Variants in BDH2 observed in about 807,000 individuals in gnomAD.
BDH2 encodes 3-hydroxybutyrate dehydrogenase 2.
In BDH2, 24 loss-of-function variants were observed where a neutral mutation model predicts 33.2. The observed-to-expected ratio is 0.72, with a 90% CI of 0.52 to 1.02. The LOEUF is 1.02. Ranked by LOEUF, BDH2 falls within the 50% of genes least tolerant of loss-of-function variation. The pLI, the probability that BDH2 is intolerant of heterozygous loss-of-function variation, is 0.00. For missense variants in BDH2, 249 were observed against 301.6 expected (o/e 0.83, Z 1.29); for synonymous variants, 81 against 101.6 (o/e 0.80, Z 1.22).
At chr4:103,091,074 G>C in intron 5 of BDH2, 103 bp downstream of exon 5, 1 of 654,402 alleles carries the variant, frequency 1.5e-6, no homozygotes, top group East Asian at 2.7e-5. Flanking sequence ...TAATCATTGT[G>C]TTAGTTATTA....
chr4:103,097,092 T>G (rs1476054854), intron 1 of BDH2, among the ~76,000 whole-genome samples: 4 of 151,796 alleles, frequency 2.6e-5, no homozygotes, highest in Non-Finnish European at 5.9e-5. Context: ...TCTCAGATAT[T>G]CATCGAAAAA....
In BDH2 at chr4:103,095,291, A is replaced by C; in HGVS notation, c.73-10T>G. 1 of 1,605,548 alleles carries C rather than the reference A, an allele frequency of 6.2e-7. No individual in the cohort carries two copies. The highest frequency in any genetic ancestry group is 8.5e-7 in the Non-Finnish European group (1 of 1,172,480). The stretch of plus-strand genomic sequence containing the variant: ...CTTCTCTTGCAAAAGCCTAGTAGAC[A>C]CAAAGTACAAATAAATCCTTTGTTT... On this transcript the variant is annotated splice_polypyrimidine_tract_variant and intron_variant, in intron 2 of 9. Coordinates refer to ENST00000296424, the MANE Select transcript of BDH2 (RefSeq NM_020139.4).
intron 3 of BDH2, among the ~76,000 whole-genome samples, chr4:103,094,888 T>C (rs1046158588): frequency 2.0e-5 from 3 of 152,182 alleles, no homozygotes; most frequent in Non-Finnish European, 4.4e-5. Flanking sequence ...GGCACAGAAG[T>C]GAAAAGCTGT....
At chr4:103,099,395 CA>C (rs1351152213) in intron 1 of BDH2, 1 of 152,156 alleles carries the variant, frequency 6.6e-6, no homozygotes, top group African/African-American at 2.4e-5. Flanking sequence ...TGAGAGCAAA[CA>C]CGGCCTGAAA....
At chr4:103,092,251 A>G (rs78049176) in intron 4 of BDH2, 3,270 of 232,844 alleles carry the variant, frequency 0.014, 98 homozygotes, top group African/African-American at 0.065. Context: ...TATTTGTTTC[A>G]TGTTTCTGGG....
intron 7 of BDH2, among the ~76,000 whole-genome samples, chr4:103,083,423 T>G (rs747223624): frequency 6.6e-6 from 1 of 152,338 alleles, no homozygotes; most frequent in African/African-American, 2.4e-5. Flanking sequence ...TCCTTGGTAA[T>G]TCAGGTGGCG....
intron 3 of BDH2, among the ~76,000 whole-genome samples, chr4:103,093,922 T>C (rs185617100): frequency 6.6e-6 from 1 of 152,230 alleles, no homozygotes; most frequent in East Asian, 1.9e-4. Flanking sequence ...TACTTTGACT[T>C]GTTTGAATTA....
rs989623065 is a variant in BDH2, at chr4:103,094,713, C to A, written c.151+490G>T. ...AAATATTAATTTTTTAACTTGAGTG[C>A]ATGTTGAGATTATATTTTAGATATA... On this transcript the variant is annotated intron_variant, in intron 3 of 9. Coordinates refer to ENST00000296424, the MANE Select transcript of BDH2 (RefSeq NM_020139.4). Among the ~76,000 whole-genome samples the A allele has an allele frequency of 4.0e-5, 6 of 151,630 alleles. No homozygotes were observed. The East Asian group carries it at 1.2e-3, about 29-fold the overall frequency.
intron 8 of BDH2, 65 bp from the exon 9 acceptor site, chr4:103,082,238 G>C: frequency 7.2e-7 from 1 of 1,381,528 alleles, no homozygotes; most frequent in Non-Finnish European, 1.0e-6. Context: ...CCTGCATCTT[G>C]TTCAAGGAGT....
chr4:103,085,805 C>A (rs12640780), intron 6 of BDH2: 2 of 1,297,972 alleles, frequency 1.5e-6, no homozygotes, highest in South Asian at 2.5e-5. Context: ...AACAGGAGGC[C>A]TAGGCACTTC....
At chr4:103,097,928 A>G (rs1052302764) in intron 1 of BDH2, among the ~76,000 whole-genome samples, 1 of 151,764 alleles carries the variant, frequency 6.6e-6, no homozygotes, top group Non-Finnish European at 1.5e-5. Context: ...CTTTGAACTT[A>G]TTTCAGTTCT....
intron 1 of BDH2, chr4:103,099,010 C>T (rs1748531354): frequency 6.6e-6 from 1 of 152,124 alleles, no homozygotes; most frequent in South Asian, 2.1e-4. Context: ...TTTTTTACTT[C>T]TTACACAAAA....
intron 6 of BDH2, 77 bp downstream of exon 6, chr4:103,086,403 A>C: frequency 6.5e-7 from 1 of 1,532,454 alleles, no homozygotes; most frequent in Non-Finnish European, 8.8e-7. Context: ...AATCTCTGCT[A>C]TGCCTGTTCC....
At chr4:103,098,739 G>A (rs1748521366) in intron 1 of BDH2, 1 of 152,284 alleles carries the variant, frequency 6.6e-6, no homozygotes, top group Non-Finnish European at 1.5e-5. Flanking sequence ...CTTGCATCGA[G>A]GTCTGATGGC....
In BDH2 at chr4:103,078,760, AATT is replaced by A. The variant is rs917747715; in HGVS notation, c.*939_*941del. On this transcript the variant is annotated 3_prime_UTR_variant, in exon 10 of 10. Coordinates refer to ENST00000296424, the MANE Select transcript of BDH2 (RefSeq NM_020139.4). The stretch of plus-strand genomic sequence containing the variant: ...TTTGAATATTGAAAAATGAAGTGGA[AATT>A]ATTATTATTATTTAGGTACAGGGTC... 6.6e-6 allele frequency among the ~76,000 whole-genome samples: 1 copy of A among 152,072 alleles called. No homozygotes were observed. Among genetic ancestry groups the A allele is most frequent in the Non-Finnish European group, 1.5e-5 (1 of 68,024 alleles).
chr4:103,080,676 G>T (rs1467835716), intron 9 of BDH2, among the ~76,000 whole-genome samples: 2 of 152,172 alleles, frequency 1.3e-5, no homozygotes, highest in African/African-American at 4.8e-5. Flanking sequence ...TTACACATAT[G>T]AACTCCTCTG....
chr4:103,084,006 T>TA (rs1747649152), intron 7 of BDH2, among the ~76,000 whole-genome samples: 1 of 152,190 alleles, frequency 6.6e-6, no homozygotes, highest in African/African-American at 2.4e-5. Flanking sequence ...TAGGAACATC[T>TA]TCTACCTTCA....
At chr4:103,087,735 A>C (rs895104046) in intron 5 of BDH2, among the ~76,000 whole-genome samples, 2 of 152,224 alleles carry the variant, frequency 1.3e-5, no homozygotes, top group Non-Finnish European at 2.9e-5. Flanking sequence ...AGCTAAATAA[A>C]TATATAATAA....
intron 8 of BDH2, 129 bp downstream of exon 8, chr4:103,082,742 C>G (rs576841758): frequency 5.3e-5 from 42 of 797,282 alleles, no homozygotes; most frequent in Admixed American, 1.4e-4. Flanking sequence ...ATTAACTACT[C>G]TTTTCCCTCC....
Sources: allele counts gnomAD v4.1 joint callset (sites outside exome capture counted in the v4.1 genomes callset), GRCh38; gene constraint gnomAD v4.1.1; transcripts MANE v1.5; gene names NCBI Gene and HGNC (gene_info 2026-07-23, HGNC 2026-07-21).